FGF12: variants seen among roughly 807,000 people sequenced by gnomAD.
The protein encoded by FGF12 is fibroblast growth factor 12B.
Under a neutral mutation model 23.6 loss-of-function variants are expected in FGF12, and 14 were observed. The observed-to-expected ratio is 0.59, with a 90% confidence interval of 0.39 to 0.93. The LOEUF (loss-of-function observed/expected upper bound fraction) is 0.93. Among genes scored for constraint, FGF12 ranks in the 40% least tolerant of loss-of-function variants. FGF12 has a pLI of 0.00. For missense variants in FGF12, 175 were observed against 217.8 expected (o/e 0.80, Z 1.24); for synonymous variants, 62 against 77.3 (o/e 0.80, Z 1.04).
rs1049034402 is a variant in FGF12, at chr3:192,141,005, T to C, written c.*3004A>G. On this transcript the variant is annotated 3_prime_UTR_variant, in exon 6 of 6. Coordinates refer to ENST00000445105, the MANE Select transcript of FGF12 (RefSeq NM_004113.6). Reference sequence around the variant, plus strand: ...GTTTTGTTTTCATTCTTAAGCTCGTTGATTTTGAAACTTATTCCAATAAGA... The same window carrying C: ...GTTTTGTTTTCATTCTTAAGCTCGTCGATTTTGAAACTTATTCCAATAAGA... 2.6e-5 allele frequency: 4 copies of C among 151,732 alleles called. No individual in the cohort carries two copies. The highest frequency in any genetic ancestry group is 5.9e-5 in the Non-Finnish European group (4 of 67,816). The allele number at this position is 151,732 out of a possible 1,614,324, so 9.4% of individuals were successfully genotyped here. A position where few individuals can be genotyped will look rare whatever the true frequency, so the allele number is the denominator to read the frequency against.
chr3:192,543,744 C>T (rs1725430039), intron 2 of FGF12, among the ~76,000 whole-genome samples: 1 of 152,204 alleles, frequency 6.6e-6, no homozygotes, highest in Non-Finnish European at 1.5e-5. Context: ...CCTGCCAGGA[C>T]TGGGTTCTCC....
At chr3:192,220,722 C>G (rs1718425110) in intron 4 of FGF12, among the ~76,000 whole-genome samples, 1 of 152,064 alleles carries the variant, frequency 6.6e-6, no homozygotes, top group Non-Finnish European at 1.5e-5. Flanking sequence ...GTGCTAAGCT[C>G]TATATGACTG....
chr3:192,480,718 C>T (rs1369607480), intron 2 of FGF12, among the ~76,000 whole-genome samples: 1 of 152,176 alleles, frequency 6.6e-6, no homozygotes, highest in Non-Finnish European at 1.5e-5. Flanking sequence ...GTCCCAATCA[C>T]CAGCAATATG....
rs56933017 is a variant in FGF12 at position 192,141,128 on chromosome 3, C to CAAAAA, written c.*2876_*2880dup. On this transcript the variant is annotated 3_prime_UTR_variant, in exon 6 of 6. Coordinates refer to ENST00000445105, the MANE Select transcript of FGF12 (RefSeq NM_004113.6). Reference sequence around the variant, plus strand: ...CCTGGGAAAAATCCCAATGCAACTCCAAAAAAAAAAAAAAAAAAAAAAAAA... The same window carrying CAAAAA: ...CCTGGGAAAAATCCCAATGCAACTCCAAAAAAAAAAAAAAAAAAAAAAAAAAAAAA... The CAAAAA allele has an allele frequency of 8.0e-4, 33 of 41,242 alleles. 4 individuals are homozygous for CAAAAA. Among genetic ancestry groups the CAAAAA allele is most frequent in the African/African-American group, 3.1e-3 (31 of 9,850 alleles). 2.6% of individuals were successfully genotyped at this position (41,242 alleles called of 1,614,324 possible). A position where few individuals can be genotyped will look rare whatever the true frequency, so the allele number is the denominator to read the frequency against.
chr3:192,507,378 CACAT>C (rs1461616099), intron 2 of FGF12, among the ~76,000 whole-genome samples: 13 of 128,726 alleles, frequency 1.0e-4, no homozygotes, highest in African/African-American at 2.8e-4. Context: ...CACACACACA[CACAT>C]ACAAGCACAC....
chr3:192,461,573 T>C (rs1722862045), intron 2 of FGF12, among the ~76,000 whole-genome samples: 1 of 152,178 alleles, frequency 6.6e-6, no homozygotes, highest in Admixed American at 6.5e-5. Context: ...TTAAAGAAAT[T>C]TTATGTTCTC....
chr3:192,720,010 T>G (rs959124239), intron 2 of FGF12, among the ~76,000 whole-genome samples: 1 of 152,246 alleles, frequency 6.6e-6, no homozygotes, highest in African/African-American at 2.4e-5. Flanking sequence ...AGGGAGAGAT[T>G]GGCATTGCTG....
intron 2 of FGF12, among the ~76,000 whole-genome samples, chr3:192,468,910 C>G (rs1169367771): frequency 6.6e-6 from 1 of 152,186 alleles, no homozygotes; most frequent in Non-Finnish European, 1.5e-5. Flanking sequence ...GAAAAGAAGA[C>G]TGATCCCTTC....
chr3:192,653,914 C>T (rs1217398246), intron 2 of FGF12, among the ~76,000 whole-genome samples: 10 of 152,114 alleles, frequency 6.6e-5, no homozygotes, highest in Admixed American at 1.3e-4. Flanking sequence ...TCAGTAGAGA[C>T]GGGGTTTCAC....
chr3:192,634,286 C>G (rs139290420), intron 2 of FGF12, among the ~76,000 whole-genome samples: 1 of 151,802 alleles, frequency 6.6e-6, no homozygotes, highest in East Asian at 1.9e-4. Flanking sequence ...CAACCAAATG[C>G]AGATCGAAAA....
At chr3:192,417,284 G>A (rs911384232) in intron 2 of FGF12, among the ~76,000 whole-genome samples, 3 of 150,612 alleles carry the variant, frequency 2.0e-5, no homozygotes, top group Non-Finnish European at 4.4e-5. Flanking sequence ...AACCAAAAGC[G>A]TTTATTATTT....
rs76940929 is a variant in FGF12 at position 192,246,096 on chromosome 3, C to T, written c.229-75440G>A. ...ATAAACATAACTTCAAAACATTTAC[C>T]GGAAATAATAGCTTTAGTTTTAAAA... On this transcript the variant is annotated intron_variant, in intron 4 of 5. Coordinates refer to ENST00000445105, the MANE Select transcript of FGF12 (RefSeq NM_004113.6). 6.3e-3 allele frequency among the ~76,000 whole-genome samples: 957 copies of T among 152,126 alleles called. 10 individuals are homozygous for T. Among genetic ancestry groups the T allele is most frequent in the African/African-American group, 0.022 (930 of 41,478 alleles).
intron 4 of FGF12, among the ~76,000 whole-genome samples, chr3:192,204,991 T>C (rs1177376223): frequency 6.6e-6 from 1 of 152,198 alleles, no homozygotes; most frequent in Admixed American, 6.6e-5. Flanking sequence ...TCTGCATTTC[T>C]CTTCCTTAGA....
At chr3:192,719,395 C>A (rs1291473440) in intron 2 of FGF12, among the ~76,000 whole-genome samples, 1 of 152,136 alleles carries the variant, frequency 6.6e-6, no homozygotes, top group Admixed American at 6.5e-5. Context: ...TATTGAGGGT[C>A]TTGCTATATT....
In FGF12 at chr3:192,178,983, G is replaced by A. The variant is rs139260688; in HGVS notation, c.229-8327C>T. ...CTGGATATTTGGCTGTGAAGCTTCT[G>A]ATTTGCTAACTTCATTAATGGCCTT... is the stretch of plus-strand genomic sequence containing the variant. On this transcript the variant is annotated intron_variant, in intron 4 of 5. Coordinates refer to ENST00000445105, the MANE Select transcript of FGF12 (RefSeq NM_004113.6). 2.5e-3 allele frequency among the ~76,000 whole-genome samples: 381 copies of A among 152,310 alleles called. 1 individual carries two copies. Among genetic ancestry groups the A allele is most frequent in the African/African-American group, 8.8e-3 (365 of 41,558 alleles).
At chr3:192,228,431 T>C (rs536952954) in intron 4 of FGF12, among the ~76,000 whole-genome samples, 30 of 152,232 alleles carry the variant, frequency 2.0e-4, no homozygotes, top group Admixed American at 1.5e-3. Flanking sequence ...TATATAAAAA[T>C]GTAAATAGGC....
chr3:192,611,325 C>T (rs1301922987), intron 2 of FGF12, among the ~76,000 whole-genome samples: 2 of 152,046 alleles, frequency 1.3e-5, no homozygotes, highest in African/African-American at 2.4e-5. Context: ...TTAAAGCCTA[C>T]ATACACAGTG....
intron 4 of FGF12, among the ~76,000 whole-genome samples, chr3:192,311,970 T>C (rs1222891936): frequency 6.6e-6 from 1 of 152,028 alleles, no homozygotes; most frequent in Non-Finnish European, 1.5e-5. Context: ...TCTATCTATC[T>C]ATCTATCTGT....
rs573150529 is a variant in FGF12 at position 192,650,289 on chromosome 3, C to T, written c.13+76892G>A. Among the ~76,000 whole-genome samples, 178 of 152,332 alleles carry T rather than the reference C, an allele frequency of 1.2e-3. 2 individuals carry two copies. The highest frequency in any genetic ancestry group is 2.1e-3 in the Non-Finnish European group (142 of 68,036). On this transcript the variant is annotated intron_variant, in intron 2 of 5. Transcript: ENST00000445105. ...TTTCAACCTCAGTTTCTACTACCAACCTACACAAATTCTGCATTTCAGAGG... is the reference window on the plus strand; with the variant it reads ...TTTCAACCTCAGTTTCTACTACCAATCTACACAAATTCTGCATTTCAGAGG...
Sources: gnomAD v4.1 joint callset for allele counts (sites outside exome capture counted in the v4.1 genomes callset) on GRCh38, gnomAD v4.1.1 for gene constraint, MANE v1.5 for transcripts, NCBI Gene and HGNC (gene_info 2026-07-23, HGNC 2026-07-21) for gene names.